VAPB: variants seen among roughly 807,000 people sequenced by gnomAD.
The protein encoded by VAPB is vesicle-associated membrane protein-associated protein B/C.
A neutral mutation model predicts 25.6 loss-of-function variants in VAPB; 7 were observed. That is an observed-to-expected ratio of 0.27 (90% CI 0.16 to 0.51). The LOEUF (loss-of-function observed/expected upper bound fraction) is 0.51, where lower values mean the gene tolerates loss of function less well. Among genes scored for constraint, VAPB ranks in the 20% least tolerant of loss-of-function variants. VAPB has a pLI of 0.97. For missense variants in VAPB, 266 were observed against 301.3 expected (o/e 0.88, Z 0.87); for synonymous variants, 112 against 109.2 (o/e 1.03, Z -0.16).
intron 2 of VAPB, chr20:58,432,533 A>G (rs1191400552): frequency 2.0e-5 from 3 of 152,224 alleles, no homozygotes; most frequent in Non-Finnish European, 4.4e-5. Flanking sequence ...GTCACAGCCA[A>G]GGAAGACCTG....
At position 58,449,674 on chromosome 20, in the gene VAPB, G is replaced by A. The variant is rs536032735; in HGVS notation, c.*5439G>A. ...TTTCTGCTGCTAGATAAATGCTGAT[G>A]TTTATTTTTAAACCAGGAAACATTG... On this transcript the variant is annotated 3_prime_UTR_variant, in exon 6 of 6. Transcript: ENST00000475243. The A allele has an allele frequency of 2.2e-6, 1 of 454,070 alleles. No homozygotes were observed. Among genetic ancestry groups the A allele is most frequent in the Non-Finnish European group, 4.4e-6 (1 of 226,764 alleles). 28.1% of individuals were successfully genotyped at this position (454,070 alleles called of 1,614,324 possible).
chr20:58,444,682 C>G lies in VAPB; in HGVS notation c.*447C>G, dbSNP rs1331397367. Reference sequence around the variant, plus strand: ...CACAGTAGTCCCCACGTGGCCCACTCCCGGCCCAGGCTGCTTTCCGTGTCT... The same window carrying G: ...CACAGTAGTCCCCACGTGGCCCACTGCCGGCCCAGGCTGCTTTCCGTGTCT... On this transcript the variant is annotated 3_prime_UTR_variant, in exon 6 of 6. Transcript: ENST00000475243. 1 of 454,376 alleles carries G rather than the reference C, an allele frequency of 2.2e-6. No homozygotes were observed. Among genetic ancestry groups the G allele is most frequent in the Admixed American group, 2.3e-5 (1 of 42,576 alleles). The allele number at this position is 454,376 out of a possible 1,614,324, so 28.1% of individuals were successfully genotyped here. A position where few individuals can be genotyped will look rare whatever the true frequency, so the allele number is the denominator to read the frequency against.
chr20:58,436,742 G>T (rs990301762), intron 3 of VAPB, among the ~76,000 whole-genome samples: 2 of 152,138 alleles, frequency 1.3e-5, no homozygotes, highest in African/African-American at 4.8e-5. Context: ...TTAACATGTT[G>T]TGACATTTGC....
At position 58,449,240 on chromosome 20, in the gene VAPB, T is replaced by C. The variant is rs146687585; in HGVS notation, c.*5005T>C. The C allele has an allele frequency of 2.2e-6, 1 of 454,030 alleles. No individual in the cohort carries two copies. The highest frequency in any genetic ancestry group is 2.0e-5 in the African/African-American group (1 of 50,024). The allele number at this position is 454,030 out of a possible 1,614,324, so 28.1% of individuals were successfully genotyped here. On this transcript the variant is annotated 3_prime_UTR_variant, in exon 6 of 6. Coordinates refer to ENST00000475243, the MANE Select transcript of VAPB (RefSeq NM_004738.5). ...AGCTGCACAAGCTCACCCACCCCTGTGCCAGGGGGCCCTGACCTCCCTCCA... is the reference window on the plus strand; with the variant it reads ...AGCTGCACAAGCTCACCCACCCCTGCGCCAGGGGGCCCTGACCTCCCTCCA...
Position 58,449,708 on chromosome 20 carries a change from A to G in VAPB, c.*5473A>G, listed in dbSNP as rs1989389237. The G allele has an allele frequency of 2.2e-6, 1 of 454,008 alleles. No homozygotes were observed. Among genetic ancestry groups the G allele is most frequent in the Non-Finnish European group, 4.4e-6 (1 of 226,802 alleles). The allele number at this position is 454,008 out of a possible 1,614,324, so 28.1% of individuals were successfully genotyped here. ...TAAACCAGGAAACATTGATCCTGTA[A>G]CAATGCCCGATTACAATTGCTTTAT... On this transcript the variant is annotated 3_prime_UTR_variant, in exon 6 of 6. Transcript: ENST00000475243.
chr20:58,410,499 C>A (rs1159645382), intron 1 of VAPB, among the ~76,000 whole-genome samples: 1 of 152,132 alleles, frequency 6.6e-6, no homozygotes, highest in African/African-American at 2.4e-5. Context: ...TCACTGTAAC[C>A]TTCGCCTCCT....
intron 4 of VAPB, 43 bp downstream of exon 4, chr20:58,439,068 G>C: frequency 1.9e-6 from 3 of 1,547,770 alleles, no homozygotes; most frequent in Non-Finnish European, 2.7e-6. Flanking sequence ...GTTGTAAGCT[G>C]ATACTTATTT....
rs1989230832 is a variant in VAPB, at chr20:58,444,436, T to TGTATAGTAA, written c.*202_*210dup. On this transcript the variant is annotated 3_prime_UTR_variant, in exon 6 of 6. Transcript: ENST00000475243. Reference sequence around the variant, plus strand: ...TAACGATCTTTTAGAAAGTTAAAAATGTATAGTAACTGATTGAGGGGGAAA... The same window carrying TGTATAGTAA: ...TAACGATCTTTTAGAAAGTTAAAAATGTATAGTAAGTATAGTAACTGATTGAGGGGGAAA... 1 of 679,478 alleles carries TGTATAGTAA rather than the reference T, an allele frequency of 1.5e-6. No homozygotes were observed. 42.1% of individuals were successfully genotyped at this position (679,478 alleles called of 1,614,324 possible).
intron 1 of VAPB, among the ~76,000 whole-genome samples, chr20:58,401,998 T>G (rs1988106235): frequency 6.6e-6 from 1 of 152,242 alleles, no homozygotes; most frequent in African/African-American, 2.4e-5. Flanking sequence ...TAATAGCCTC[T>G]TAACTGGTCT....
chr20:58,412,576 C>CAAA lies in VAPB; in HGVS notation c.59-5623_59-5621dup, dbSNP rs375713162. On this transcript the variant is annotated intron_variant, in intron 1 of 5. Coordinates refer to ENST00000475243, the MANE Select transcript of VAPB (RefSeq NM_004738.5). ...TGGGTGACAGAGTGAGACTCTGTCT[C>CAAA]AAAAAAAAAAAAAAGGTAAAATTAT... 2.0e-3 allele frequency among the ~76,000 whole-genome samples: 186 copies of CAAA among 90,764 alleles called. 3 individuals are homozygous for CAAA. The highest frequency in any genetic ancestry group is 8.3e-3 in the African/African-American group (181 of 21,774). The allele number at this position is 90,764 out of a possible 152,430, so 59.5% of individuals were successfully genotyped here.
chr20:58,434,162 G>T (rs1293624913), intron 2 of VAPB, among the ~76,000 whole-genome samples: 1 of 152,178 alleles, frequency 6.6e-6, no homozygotes, highest in Non-Finnish European at 1.5e-5. Flanking sequence ...TGAGAAATGG[G>T]TTGGAGAGAA....
rs11698445 is a variant in VAPB at position 58,408,811 on chromosome 20, C to T, written c.59-9400C>T. Among the ~76,000 whole-genome samples, 1,344 of 151,594 alleles carry T rather than the reference C, an allele frequency of 8.9e-3. 25 individuals are homozygous for T. Among genetic ancestry groups the T allele is most frequent in the African/African-American group, 0.031 (1,274 of 41,280 alleles). ...AGTACAATGACCTCTGAGGAAGTCT[C>T]GTATTCATGCAGCATACATTTTTAC... On this transcript the variant is annotated intron_variant, in intron 1 of 5. Coordinates refer to ENST00000475243, the MANE Select transcript of VAPB (RefSeq NM_004738.5).
chr20:58,412,145 T>C (rs957006784), intron 1 of VAPB, among the ~76,000 whole-genome samples: 1 of 152,230 alleles, frequency 6.6e-6, no homozygotes, highest in East Asian at 1.9e-4. Flanking sequence ...ATTTTTTTCA[T>C]GGATTTTGTT....
In VAPB at chr20:58,444,195, T is replaced by G. The variant is rs1568721607; in HGVS notation, c.692T>G (p.Phe231Cys). Residue 231 changes from phenylalanine (F) to cysteine (C), a missense_variant, in exon 6 of 6, where the codon TTC becomes TGC. Coordinates refer to ENST00000475243, the MANE Select transcript of VAPB (RefSeq NM_004738.5). ...CGGCTCTTGGCTCTGGTGGTTTTGT[T>G]CTTTATCGTTGGTGTAATTATTGGG... ...STRLLALVVLFFIVGVIIGKI... is the reference protein window; with the variant it reads ...STRLLALVVLCFIVGVIIGKI... 1 of 1,614,212 alleles carries G rather than the reference T, an allele frequency of 6.2e-7. No homozygotes were observed. The highest frequency in any genetic ancestry group is 2.2e-5 in the East Asian group (1 of 44,886).
chr20:58,414,333 C>T lies in VAPB; in HGVS notation c.59-3878C>T, dbSNP rs111441592. Among the ~76,000 whole-genome samples, 10 of 149,026 alleles carry T rather than the reference C, an allele frequency of 6.7e-5. No homozygotes were observed. The East Asian group carries it at 1.2e-3, about 18-fold the overall frequency. ...GGCCTGGCGGGGGGCTGACCCCCCC[C>T]ACCTCCCTCCCGGACGGGGCGGCCG... On this transcript the variant is annotated intron_variant, in intron 1 of 5. Coordinates refer to ENST00000475243, the MANE Select transcript of VAPB (RefSeq NM_004738.5).
intron 1 of VAPB, among the ~76,000 whole-genome samples, chr20:58,415,294 A>G (rs1323471541): frequency 6.6e-6 from 1 of 152,228 alleles, no homozygotes; most frequent in Non-Finnish European, 1.5e-5. Context: ...CAAGGAATTC[A>G]TTTTCAGTTC....
intron 1 of VAPB, among the ~76,000 whole-genome samples, chr20:58,412,576 C>CAAAAAAAAAAAAAAAAAAAAAAAAAAAA (rs375713162): frequency 1.1e-5 from 1 of 90,788 alleles, no homozygotes; most frequent in African/African-American, 4.6e-5. Context: ...GACTCTGTCT[C>CAAAAAAAAAAAAAAAAAAAAAAAAAAAA]AAAAAAAAAA....
intron 2 of VAPB, among the ~76,000 whole-genome samples, chr20:58,420,084 C>G (rs978279160): frequency 1.3e-5 from 2 of 152,114 alleles, no homozygotes; most frequent in African/African-American, 4.8e-5. Flanking sequence ...CTCCCAGATT[C>G]AAGCAATTCT....
rs1161850078 is a variant in VAPB, at chr20:58,448,654, G to A, written c.*4419G>A. 23 of 453,868 alleles carry A rather than the reference G, an allele frequency of 5.1e-5. No homozygotes were observed. Among genetic ancestry groups the A allele is most frequent in the South Asian group, 1.6e-4 (10 of 64,484 alleles). 28.1% of individuals were successfully genotyped at this position (453,868 alleles called of 1,614,324 possible). Reference sequence around the variant, plus strand: ...CCTTCCTGCCTCAGCTACTCTGCCCGTCTGTACATCTTTTGTGTCTGCCTC... The same window carrying A: ...CCTTCCTGCCTCAGCTACTCTGCCCATCTGTACATCTTTTGTGTCTGCCTC... On this transcript the variant is annotated 3_prime_UTR_variant, in exon 6 of 6. Transcript: ENST00000475243.
Sources: gnomAD v4.1 joint callset for allele counts (sites outside exome capture counted in the v4.1 genomes callset) on GRCh38, gnomAD v4.1.1 for gene constraint, MANE v1.5 for transcripts, NCBI Gene and HGNC (gene_info 2026-07-23, HGNC 2026-07-21) for gene names.